Variants in ATF6 observed in about 807,000 individuals in gnomAD.
ATF6 encodes cyclic AMP-dependent transcription factor ATF-6 alpha.
A neutral mutation model predicts 83.6 loss-of-function variants in ATF6; 53 were observed. The observed-to-expected ratio is 0.63, with a 90% confidence interval of 0.51 to 0.80. The LOEUF (loss-of-function observed/expected upper bound fraction) is 0.80. Among genes scored for constraint, ATF6 ranks in the 30% least tolerant of loss-of-function variants. ATF6 has a pLI of 0.00. For synonymous variants in ATF6, 288 were observed against 285.8 expected, an observed-to-expected ratio of 1.01 and a Z score of -0.08; for missense variants, 744 against 797.9, an observed-to-expected ratio of 0.93 and a Z score of 0.81.
rs149832562 is a variant in ATF6 at position 161,905,862 on chromosome 1, C to T, written c.1720-6434C>T. On this transcript the variant is annotated intron_variant, in intron 14 of 15. Transcript: ENST00000367942. ...TTTGTTTTTTTTTGAGACGGAGTTTCGCCCTGTCGCCCAGGCTGGAGTGCA... is the reference window on the plus strand; with the variant it reads ...TTTGTTTTTTTTTGAGACGGAGTTTTGCCCTGTCGCCCAGGCTGGAGTGCA... Among the ~76,000 whole-genome samples, 4 of 151,664 alleles carry T rather than the reference C, an allele frequency of 2.6e-5. No homozygotes were observed. In the East Asian group the frequency reaches 5.8e-4, roughly 22 times the overall value.
At position 161,963,415 on chromosome 1, in the gene ATF6, C is replaced by A. The variant is rs1204895997; in HGVS notation, c.*4761C>A. 6.6e-6 allele frequency: 1 copy of A among 152,206 alleles called. No individual in the cohort carries two copies. The highest frequency in any genetic ancestry group is 2.4e-5 in the African/African-American group (1 of 41,446). The allele number at this position is 152,206 out of a possible 1,614,324, so 9.4% of individuals were successfully genotyped here. On this transcript the variant is annotated 3_prime_UTR_variant, in exon 16 of 16. Coordinates refer to ENST00000367942, the MANE Select transcript of ATF6 (RefSeq NM_007348.4). The stretch of plus-strand genomic sequence containing the variant: ...GTGCCATTCTCAACATATTGGTTTG[C>A]TAACTTTAAGCATTAGGGATTTAGC...
intron 6 of ATF6, among the ~76,000 whole-genome samples, chr1:161,793,555 A>G (rs1246082168): frequency 1.3e-5 from 2 of 152,228 alleles, no homozygotes; most frequent in African/African-American, 4.8e-5. Flanking sequence ...TTTCATTAGG[A>G]TCTCATAAGG....
Position 161,962,099 on chromosome 1 carries a change from G to T in ATF6, c.*3445G>T, listed in dbSNP as rs1316965956. On this transcript the variant is annotated 3_prime_UTR_variant, in exon 16 of 16. Coordinates refer to ENST00000367942, the MANE Select transcript of ATF6 (RefSeq NM_007348.4). ...TTTTCACAAGTAAAAAATCCCTCAC[G>T]ATTATAAAACTCAGAGCATCATCTA... The T allele has an allele frequency of 6.6e-6, 1 of 150,394 alleles. No homozygotes were observed. Among genetic ancestry groups the T allele is most frequent in the African/African-American group, 2.4e-5 (1 of 40,944 alleles). The allele number at this position is 150,394 out of a possible 1,614,324, so 9.3% of individuals were successfully genotyped here.
intron 7 of ATF6, among the ~76,000 whole-genome samples, chr1:161,808,110 C>T (rs1260376731): frequency 1.3e-5 from 2 of 151,734 alleles, no homozygotes; most frequent in East Asian, 3.9e-4. Context: ...AAACTCCTGG[C>T]CTCAAGTGAT....
At position 161,771,158 on chromosome 1, in the gene ATF6, T is replaced by C. The variant is rs542542959; in HGVS notation, c.82+4716T>C. Among the ~76,000 whole-genome samples, 3 of 152,310 alleles carry C rather than the reference T, an allele frequency of 2.0e-5. No individual in the cohort carries two copies. The East Asian group carries it at 5.8e-4, about 29-fold the overall frequency. Reference sequence around the variant, plus strand: ...TCTCCTTCTCTCTTCTCTTTTACTCTTGCTTGAATTTGTGCAAAAGCTGCT... The same window carrying C: ...TCTCCTTCTCTCTTCTCTTTTACTCCTGCTTGAATTTGTGCAAAAGCTGCT... On this transcript the variant is annotated intron_variant, in intron 1 of 15. Coordinates refer to ENST00000367942, the MANE Select transcript of ATF6 (RefSeq NM_007348.4).
At chr1:161,784,779 A>G (rs1298187863) in intron 4 of ATF6, among the ~76,000 whole-genome samples, 1 of 152,220 alleles carries the variant, frequency 6.6e-6, no homozygotes, top group East Asian at 1.9e-4. Context: ...TTATATGCAC[A>G]TATTAATTCA....
At chr1:161,821,697 T>C (rs1211280170) in intron 9 of ATF6, among the ~76,000 whole-genome samples, 1 of 152,196 alleles carries the variant, frequency 6.6e-6, no homozygotes, top group Admixed American at 6.6e-5. Context: ...GTTAGAAGTA[T>C]AGGTGCTGCT....
At chr1:161,916,091 A>G (rs185908342) in intron 15 of ATF6, among the ~76,000 whole-genome samples, 17 of 152,264 alleles carry the variant, frequency 1.1e-4, no homozygotes, top group Admixed American at 1.1e-3. Context: ...AGCTTTTGCC[A>G]TTTCACTTCA....
At chr1:161,925,051 A>G (rs1688284483) in intron 15 of ATF6, among the ~76,000 whole-genome samples, 1 of 152,334 alleles carries the variant, frequency 6.6e-6, no homozygotes, top group African/African-American at 2.4e-5. Flanking sequence ...TTATATATAA[A>G]TATAATATTT....
At chr1:161,791,680 T>A in intron 5 of ATF6, 143 bp downstream of exon 5, 1 of 893,500 alleles carries the variant, frequency 1.1e-6, no homozygotes. Context: ...TTGTTTGTTG[T>A]GAGTGATTAC....
chr1:161,777,624 T>C (rs1360975441), intron 1 of ATF6, among the ~76,000 whole-genome samples: 1 of 152,220 alleles, frequency 6.6e-6, no homozygotes, highest in African/African-American at 2.4e-5. Flanking sequence ...AACCTTTCTT[T>C]ACAAAAAGTT....
intron 15 of ATF6, among the ~76,000 whole-genome samples, chr1:161,954,003 A>G (rs1164565043): frequency 6.6e-6 from 1 of 152,206 alleles, no homozygotes; most frequent in Admixed American, 6.5e-5. Flanking sequence ...AAGAATTAAT[A>G]GAATTGGACT....
At chr1:161,844,372 G>C (rs1686428145) in intron 9 of ATF6, among the ~76,000 whole-genome samples, 1 of 152,176 alleles carries the variant, frequency 6.6e-6, no homozygotes, top group African/African-American at 2.4e-5. Flanking sequence ...TTAGAAGAAG[G>C]CTTACTTAGA....
chr1:161,851,188 G>C (rs1686612731), intron 10 of ATF6, among the ~76,000 whole-genome samples: 2 of 129,004 alleles, frequency 1.6e-5, no homozygotes, highest in East Asian at 2.3e-4. Flanking sequence ...CTGTTTTACA[G>C]ATACTATCCA....
chr1:161,849,348 G>A (rs1686559985), intron 10 of ATF6, among the ~76,000 whole-genome samples: 1 of 152,082 alleles, frequency 6.6e-6, no homozygotes. Context: ...AATATTCCTG[G>A]TGCAAGTTGC....
intron 15 of ATF6, among the ~76,000 whole-genome samples, chr1:161,947,028 C>T (rs1038811818): frequency 5.3e-5 from 8 of 152,190 alleles, no homozygotes; most frequent in African/African-American, 1.4e-4. Flanking sequence ...TGACTGCTTC[C>T]ATTTTCCGAG....
At chr1:161,809,277 G>A (rs1685389057) in intron 7 of ATF6, among the ~76,000 whole-genome samples, 1 of 151,444 alleles carries the variant, frequency 6.6e-6, no homozygotes, top group East Asian at 2.0e-4. Flanking sequence ...TCCCACCTAT[G>A]AGTGAGAACA....
chr1:161,773,870 A>C (rs1362914868), intron 1 of ATF6, among the ~76,000 whole-genome samples: 3 of 152,190 alleles, frequency 2.0e-5, no homozygotes, highest in Admixed American at 2.0e-4. Context: ...TAAATATACG[A>C]GTATATTTAT....
At chr1:161,859,782 C>T (rs1480534641) in intron 12 of ATF6, among the ~76,000 whole-genome samples, 1 of 152,114 alleles carries the variant, frequency 6.6e-6, no homozygotes, top group Non-Finnish European at 1.5e-5. Context: ...TGTATTTTGG[C>T]ATGAAGATCT....
Sources: allele counts gnomAD v4.1 joint callset (sites outside exome capture counted in the v4.1 genomes callset), GRCh38; gene constraint gnomAD v4.1.1; transcripts MANE v1.5; gene names NCBI Gene and HGNC (gene_info 2026-07-23, HGNC 2026-07-21).